The following TBX3 variants were observed in gnomAD, a reference collection of about 807,000 sequenced individuals.
TBX3 encodes the protein T-box transcription factor 3, also known as T-box transcription factor TBX3.
A neutral mutation model predicts 47.8 loss-of-function variants in TBX3; 11 were observed. The observed-to-expected ratio is 0.23, with a 90% CI of 0.14 to 0.38. The LOEUF is 0.38. Among genes scored for constraint, TBX3 ranks in the 10% least tolerant of loss-of-function variants. The pLI, the probability that TBX3 is intolerant of heterozygous loss-of-function variation, is 1.00. For missense variants in TBX3, 927 were observed against 1,022.8 expected, an observed-to-expected ratio of 0.91 and a Z score of 1.28; for synonymous variants, 500 against 449.3, an observed-to-expected ratio of 1.11 and a Z score of -1.43.
At chr12:114,678,755 GTAAGGGTCACTT>G (rs2121394665) in intron 3 of TBX3, among the ~76,000 whole-genome samples, 1 of 152,306 alleles carries the variant, frequency 6.6e-6, no homozygotes, top group African/African-American at 2.4e-5. Context: ...TGAATCAGCA[GTAAGGGTCACTT>G]TTTCTGTGCC....
chr12:114,683,111 C>T lies in TBX3; in HGVS notation c.90G>A (p.Met30Ile). The T allele has an allele frequency of 1.2e-6, 2 of 1,612,524 alleles. No homozygotes were observed. Among genetic ancestry groups the T allele is most frequent in the Middle Eastern group, 1.7e-4 (1 of 5,938 alleles). Residue 30 changes from methionine (M) to isoleucine (I), a missense_variant, in exon 1 of 7, where the codon ATG (methionine) becomes ATA (isoleucine). This residue lies in a region of TBX3 where 216 missense variants were observed against 281.2 expected (regional missense o/e 0.77). Coordinates refer to ENST00000349155, the MANE Select transcript of TBX3 (RefSeq NM_005996.4). The surrounding 1 kb of genome is among the most constrained non-coding windows in gnomAD (Gnocchi z 7.7). Reference protein sequence around the residue: ...FLPHRAPDFAMSAVLGHQPPF... With the variant: ...FLPHRAPDFAISAVLGHQPPF... ...GCGGCTGGTGACCCAGCACCGCGCT[C>T]ATGGCGAAGTCCGGCGCCCGGTGAG...
At chr12:114,676,494 G>C in intron 4 of TBX3, 24 bp from the exon 5 acceptor site, 1 of 1,614,006 alleles carries the variant, frequency 6.2e-7, no homozygotes, top group Non-Finnish European at 8.5e-7. Context: ...CCACACCCAG[G>C]TTACAGAATG....
At position 114,681,022 on chromosome 12, in the gene TBX3, C is replaced by T. The variant is rs745631586; in HGVS notation, c.514G>A (p.Val172Met). The T allele has an allele frequency of 1.9e-6, 3 of 1,613,618 alleles. No individual in the cohort carries two copies. Among genetic ancestry groups the T allele is most frequent in the South Asian group, 1.1e-5 (1 of 91,016 alleles). Residue 172 changes from valine (V) to methionine (M), a missense_variant, in exon 2 of 7, where the codon GTG becomes ATG. Around this residue, in one of 5 missense-constraint regions of TBX3, gnomAD observed 216 missense variants for 281.2 expected, o/e 0.77. Transcript: ENST00000349155. Reference protein sequence around the residue: ...RYKFHNSRWMVAGKADPEMPK... With the variant: ...RYKFHNSRWMMAGKADPEMPK... ...ATTTCGGGGTCGGCCTTACCAGCCA[C>T]CATCCACCGAGAATTGTGAAATTTA...
intron 2 of TBX3, chr12:114,680,411 T>C (rs1224156070): frequency 1.0e-5 from 3 of 285,988 alleles, no homozygotes; most frequent in Non-Finnish European, 1.3e-5. Context: ...AGCCCAATTC[T>C]TTTTTTAGTA....
Position 114,672,223 on chromosome 12 carries a change from G to A in TBX3, c.1790C>T (p.Ala597Val), listed in dbSNP as rs200821102. 120 of 1,573,506 alleles carry A rather than the reference G, an allele frequency of 7.6e-5. No individual in the cohort carries two copies. The highest frequency in any genetic ancestry group is 7.6e-5 in the Non-Finnish European group (88 of 1,160,532). Residue 597 changes from alanine to valine, a missense_variant, in exon 7 of 7, where the codon GCG becomes GTG. By Grantham distance (64) the Ala-to-Val change is moderately conservative. Around this residue, in one of 5 missense-constraint regions of TBX3, gnomAD observed 623 missense variants for 569.0 expected, o/e 1.09. Transcript: ENST00000349155. Reference protein sequence around the residue: ...YMAAAAAASSAAASSSVHRHP... With the variant: ...YMAAAAAASSVAASSSVHRHP... ...GCGGTGCACCGAGCTGGAGGCTGCC[G>A]CAGAGGAGGCGGCCGCCGCTGCGGC...
intron 1 of TBX3, among the ~76,000 whole-genome samples, chr12:114,681,850 T>A (rs755246354): frequency 6.6e-5 from 10 of 152,260 alleles, no homozygotes; most frequent in Non-Finnish European, 1.3e-4. Flanking sequence ...TTCTGTAGTC[T>A]TGACTTAAAA....
In TBX3 at chr12:114,683,011, T is replaced by C; in HGVS notation, c.190A>G (p.Ile64Val). 6.2e-7 allele frequency: 1 copy of C among 1,613,354 alleles called. No individual in the cohort carries two copies. The highest frequency in any genetic ancestry group is 8.5e-7 in the Non-Finnish European group (1 of 1,179,670). Residue 64 changes from isoleucine to valine, a missense_variant, in exon 1 of 7, where the codon ATC (isoleucine) becomes GTC (valine). Ile to Val is a conservative substitution (Grantham distance 29). Around this residue, in one of 5 missense-constraint regions of TBX3, gnomAD observed 216 missense variants for 281.2 expected, o/e 0.77. Coordinates refer to ENST00000349155, the MANE Select transcript of TBX3 (RefSeq NM_005996.4). This position sits in a 1 kb window ranked among gnomAD's most constrained non-coding sequence, Gnocchi z 7.7. ...GCCGCCCCCACCAATTGATCCATGA[T>C]CGGCTTGGCCAGGGCGCCCGGCAGC... ...LSLPGALAKP[I>V]MDQLVGAAET...
At chr12:114,675,888 C>T (rs1212613842) in intron 5 of TBX3, among the ~76,000 whole-genome samples, 1 of 152,094 alleles carries the variant, frequency 6.6e-6, no homozygotes, top group Non-Finnish European at 1.5e-5. Flanking sequence ...TGCTTCCCCC[C>T]CACCCAGTCC....
rs1202593539 is a variant in TBX3, at chr12:114,672,288, G to T, written c.1725C>A (p.Ser575=). The change falls in exon 7 of 7, where the codon TCC becomes TCA. Residue 575 remains serine (S), a synonymous_variant. Transcript: ENST00000349155. ...GGTAAGGGAACAGGCTTCCGAAAGG[G>T]GACATGGCCAGGCCCTGGGGTGAGA... The part of the protein sequence containing the change: ...HVLASQGLAM[S]PFGSLFPYPY... 1 of 1,565,454 alleles carries T rather than the reference G, an allele frequency of 6.4e-7. No homozygotes were observed. The highest frequency in any genetic ancestry group is 8.6e-7 in the Non-Finnish European group (1 of 1,156,642).
In TBX3 at chr12:114,674,525, C is replaced by G; in HGVS notation, c.1350G>C (p.Ala450=). The G allele has an allele frequency of 2.0e-6, 3 of 1,519,052 alleles. No individual in the cohort carries two copies. Among genetic ancestry groups the G allele is most frequent in the Non-Finnish European group, 1.8e-6 (2 of 1,137,872 alleles). The allele number at this position is 1,519,052 out of a possible 1,614,324, so 94.1% of individuals were successfully genotyped here. A position where few individuals can be genotyped will look rare whatever the true frequency, so the allele number is the denominator to read the frequency against. ...AGGCCTCCTTGCCCGGGAGCGCGCG[C>G]GCCTCTTCCACCTTGGCCGGCGCTG... ...EGTAPAKVEE[A]RALPGKEAFA... is the part of the protein sequence containing the mutation. The change falls in exon 6 of 7, where the codon GCG becomes GCC. Residue 450 remains alanine (A), a synonymous_variant. Coordinates refer to ENST00000349155, the MANE Select transcript of TBX3 (RefSeq NM_005996.4).
rs2121153429 is a variant in TBX3, at chr12:114,681,005, G to A, written c.531C>T (p.Asp177=). The A allele has an allele frequency of 1.2e-6, 2 of 1,613,956 alleles. No homozygotes were observed. Among genetic ancestry groups the A allele is most frequent in the Non-Finnish European group, 1.7e-6 (2 of 1,179,998 alleles). Residue 177 remains aspartate (D), a synonymous_variant, in exon 2 of 7, where the codon GAC becomes GAT. Transcript: ENST00000349155. ...TGTACATCCTCTTTGGCATTTCGGG[G>A]TCGGCCTTACCAGCCACCATCCACC... ...NSRWMVAGKA[D]PEMPKRMYIH...
intron 1 of TBX3, among the ~76,000 whole-genome samples, chr12:114,682,160 A>G (rs1868958099): frequency 6.6e-6 from 1 of 152,234 alleles, no homozygotes; most frequent in African/African-American, 2.4e-5. Flanking sequence ...CATTAAAAAA[A>G]AGGTGTGTGT....
At chr12:114,678,597 G>A (rs535019528) in intron 3 of TBX3, among the ~76,000 whole-genome samples, 1 of 152,288 alleles carries the variant, frequency 6.6e-6, no homozygotes, top group Non-Finnish European at 1.5e-5. Context: ...GTCCACAGAG[G>A]ACCCAAGGAC....
At position 114,682,859 on chromosome 12, in the gene TBX3, A is replaced by C; in HGVS notation, c.342T>G (p.Asp114Glu). The C allele has an allele frequency of 6.2e-7, 1 of 1,614,142 alleles. No homozygotes were observed. The highest frequency in any genetic ancestry group is 8.5e-7 in the Non-Finnish European group (1 of 1,180,024). Residue 114 changes from aspartate to glutamate, a missense_variant, in exon 1 of 7, where the codon GAT becomes GAG. By Grantham distance (45) the Asp-to-Glu change is conservative (BLOSUM62 2). Transcript: ENST00000349155. ...KVHLEAKELW[D>E]QFHKRGTEMV... ...TCTCGGTGCCCCGCTTGTGAAACTG[A>C]TCCCAAAGTTCTTTAGCCTCCAGGT...
intron 4 of TBX3, 77 bp from the exon 5 acceptor site, chr12:114,676,547 G>A: frequency 1.3e-6 from 2 of 1,586,286 alleles, no homozygotes; most frequent in Non-Finnish European, 1.7e-6. Context: ...CCTTTCCAAA[G>A]CGGCACACAC....
rs1440272661 is a variant in TBX3 at position 114,674,851 on chromosome 12, G to GA, written c.1040-17dup. On this transcript the variant is annotated splice_polypyrimidine_tract_variant and intron_variant, in intron 5 of 6. Transcript: ENST00000349155. ...GGACATAAATCTACCACAGGCGAAG[G>GA]AAAAAACCAAGGCAGAAGGGCGTTA... is the stretch of plus-strand genomic sequence containing the variant. 6 of 1,559,314 alleles carry GA rather than the reference G, an allele frequency of 3.8e-6. No homozygotes were observed. In the East Asian group the frequency reaches 1.4e-4, roughly 36 times the overall value.
rs1349368384 is a variant in TBX3 at position 114,680,193 on chromosome 12, C to G, written c.658-542G>C. On this transcript the variant is annotated intron_variant, in intron 2 of 6. Coordinates refer to ENST00000349155, the MANE Select transcript of TBX3 (RefSeq NM_005996.4). ...TTCCTGGGCCTAATCTTTCTGCTTA[C>G]TCCTTGCTTATCACGCTGTTTATTT... 2.2e-5 allele frequency: 13 copies of G among 585,136 alleles called. No individual in the cohort carries two copies. In the Admixed American group the frequency reaches 3.2e-4, roughly 15 times the overall value. The allele number at this position is 585,136 out of a possible 1,614,324, so 36.2% of individuals were successfully genotyped here. A position where few individuals can be genotyped will look rare whatever the true frequency, so the allele number is the denominator to read the frequency against.
Position 114,671,851 on chromosome 12 carries a change from G to T in TBX3, c.2162C>A (p.Ala721Glu), listed in dbSNP as rs15033. 6.4e-7 allele frequency: 1 copy of T among 1,556,404 alleles called. No individual in the cohort carries two copies. Among genetic ancestry groups the T allele is most frequent in the Non-Finnish European group, 8.7e-7 (1 of 1,150,670 alleles). The change falls in exon 7 of 7, where the codon GCG becomes GAG. Residue 721 changes from alanine to glutamate, a missense_variant. Transcript: ENST00000349155. ...GTGTCTGGGACGGGTCTACGGGGAC[G>T]CGCTGCGGGACCTGTCCGGCTTGGC... Reference protein sequence around the residue: ...LEAKPDRSRSASP With the variant: ...LEAKPDRSRSESP
At chr12:114,676,164 C>A (rs755497997) in intron 5 of TBX3, 149 bp downstream of exon 5, 1 of 974,284 alleles carries the variant, frequency 1.0e-6, no homozygotes, top group Non-Finnish European at 1.5e-6. Flanking sequence ...ACCTGATAGC[C>A]CTTTTTGAAC....
Sources: gnomAD v4.1 joint callset for allele counts (sites outside exome capture counted in the v4.1 genomes callset) on GRCh38, gnomAD v4.1.1 for gene constraint, gnomAD v4.1.1 regional missense constraint, Gnocchi (gnomAD v3.1) non-coding constraint, MANE v1.5 for transcripts, NCBI Gene and HGNC (gene_info 2026-07-23, HGNC 2026-07-21) for gene names.